Variants in AMHR2 observed in about 807,000 individuals in gnomAD.
AMHR2 encodes the protein anti-Mullerian hormone receptor type 2, also known as anti-Muellerian hormone type-2 receptor.
In AMHR2, 36 loss-of-function variants were observed where a neutral mutation model predicts 61.4. That is an observed-to-expected ratio of 0.59 (90% confidence interval 0.45 to 0.77). The LOEUF (loss-of-function observed/expected upper bound fraction) is 0.77. Among genes scored for constraint, AMHR2 ranks in the 30% least tolerant of loss-of-function variants. The probability of loss-of-function intolerance (pLI) is 0.00; values close to 1 mark genes in which losing one functional copy is unlikely to be tolerated. For missense variants in AMHR2, 638 were observed against 714.6 expected, an observed-to-expected ratio of 0.89 and a Z score of 1.22; for synonymous variants, 258 against 279.4, an observed-to-expected ratio of 0.92 and a Z score of 0.76.
chr12:53,424,944 A>T, intron 3 of AMHR2, 44 bp downstream of exon 3: 1 of 1,590,156 alleles, frequency 6.3e-7, no homozygotes, highest in African/African-American at 1.3e-5. Context: ...GCTGGGGCCC[A>T]GGTTAGGATG....
At chr12:53,428,312 T>C (rs1297973659) in intron 6 of AMHR2, among the ~76,000 whole-genome samples, 2 of 152,200 alleles carry the variant, frequency 1.3e-5, no homozygotes, top group Non-Finnish European at 2.9e-5. Flanking sequence ...TTCCCTCCAA[T>C]TCCCACTTGC....
chr12:53,430,326 G>A lies in AMHR2; in HGVS notation c.1425+44G>A, dbSNP rs770055711. On this transcript the variant is annotated intron_variant, in intron 10 of 10. Coordinates refer to ENST00000257863, the MANE Select transcript of AMHR2 (RefSeq NM_020547.3). The stretch of plus-strand genomic sequence containing the variant: ...TGGTCTGGGAACCTGGAGAGTGGGG[G>A]CTGGGCATGGGCTTCAAGGACGTCT... 3.7e-6 allele frequency: 6 copies of A among 1,613,950 alleles called. No homozygotes were observed. The South Asian group carries it at 4.4e-5, about 12-fold the overall frequency.
rs1225546399 is a variant in AMHR2 at position 53,424,406 on chromosome 12, C to T, written c.168C>T (p.Leu56=). The T allele has an allele frequency of 6.2e-7, 1 of 1,613,686 alleles. No homozygotes were observed. The highest frequency in any genetic ancestry group is 1.7e-5 in the Admixed American group (1 of 59,950). Residue 56 remains leucine (L), a synonymous_variant, in exon 2 of 11, where the codon CTC becomes CTT. Coordinates refer to ENST00000257863, the MANE Select transcript of AMHR2 (RefSeq NM_020547.3). ...AGCTCCCCAGAGCTATCCGCTGCCT[C>T]TACAGCCGCTGCTGCTTTGGGATCT... ...GTELPRAIRC[L]YSRCCFGIWN...
chr12:53,430,892 T>C lies in AMHR2; in HGVS notation c.1426-285T>C. 30 of 515,298 alleles carry C rather than the reference T, an allele frequency of 5.8e-5. No homozygotes were observed. The South Asian group carries it at 6.6e-4, about 11-fold the overall frequency. The allele number at this position is 515,298 out of a possible 1,614,324, so 31.9% of individuals were successfully genotyped here. A position where few individuals can be genotyped will look rare whatever the true frequency, so the allele number is the denominator to read the frequency against. ...CATTACTTGCAGAAGACTCTGGCTC[T>C]CTGAGAGGAAAGAGAGTAATTTCCC... On this transcript the variant is annotated intron_variant, in intron 10 of 10. Transcript: ENST00000257863.
At chr12:53,430,944 A>T in intron 10 of AMHR2, 1 of 597,812 alleles carries the variant, frequency 1.7e-6, no homozygotes, top group Non-Finnish European at 3.0e-6. Context: ...GTCAACCTAC[A>T]TTAGCTCCTC....
intron 7 of AMHR2, 48 bp from the exon 8 acceptor site, chr12:53,429,401 AAAAG>A (rs200048764): frequency 0.022 from 34,859 of 1,587,750 alleles, 203 homozygotes; most frequent in Non-Finnish European, 0.026. Context: ...CAAAAAAAAA[AAAAG>A]AGGGAGGAAG....
At chr12:53,430,821 T>C in intron 10 of AMHR2, 1 of 411,572 alleles carries the variant, frequency 2.4e-6, no homozygotes, top group Non-Finnish European at 4.5e-6. Context: ...GTACCTGATC[T>C]GAAATTTCCA....
At chr12:53,425,291 A>G (rs750055174) in intron 4 of AMHR2, 49 bp downstream of exon 4, 1 of 1,610,308 alleles carries the variant, frequency 6.2e-7, no homozygotes, top group Non-Finnish European at 8.5e-7. Context: ...CATTGCCCCA[A>G]AAGCTCTGAC....
In AMHR2 at chr12:53,424,868, C is replaced by T. The variant is rs1164859022; in HGVS notation, c.392C>T (p.Thr131Ile). 1.9e-6 allele frequency: 3 copies of T among 1,613,236 alleles called. No homozygotes were observed. Among genetic ancestry groups the T allele is most frequent in the Non-Finnish European group, 2.5e-6 (3 of 1,179,984 alleles). Residue 131 changes from threonine (T) to isoleucine (I), a missense_variant, in exon 3 of 11, where the codon ACT (threonine) becomes ATT (isoleucine). Transcript: ENST00000257863. ...CTGCCTCCTCCAGGGAGCCCTGGGA[C>T]TCCTGGCTCCCAGGGTCCCCAGGCT... Reference protein sequence around the residue: ...SHLPPPGSPGTPGSQGPQAAP... With the variant: ...SHLPPPGSPGIPGSQGPQAAP...
At position 53,429,619 on chromosome 12, in the gene AMHR2, C is replaced by T; in HGVS notation, c.1134C>T (p.Ile378=). Residue 378 remains isoleucine, a synonymous_variant, in exon 8 of 11, where the codon ATC becomes ATT. Transcript: ENST00000257863. ...CTCAACCACAAGGCCCAGCTGCCATCATGGAAGTGAGTTCTCTGGATAACT... is the reference window on the plus strand; with the variant it reads ...CTCAACCACAAGGCCCAGCTGCCATTATGGAAGTGAGTTCTCTGGATAACT... The part of the protein sequence containing the change: ...TPTQPQGPAA[I]MEAGTQRYMA... 1 of 1,614,010 alleles carries T rather than the reference C, an allele frequency of 6.2e-7. No individual in the cohort carries two copies. Among genetic ancestry groups the T allele is most frequent in the Non-Finnish European group, 8.5e-7 (1 of 1,179,964 alleles).
At chr12:53,424,130 G>T (rs973971659) in intron 1 of AMHR2, 147 bp downstream of exon 1, 4 of 1,316,178 alleles carry the variant, frequency 3.0e-6, no homozygotes, top group African/African-American at 2.9e-5. Context: ...CCATGGCAGG[G>T]CTCAGGTTCC....
chr12:53,428,888 T>C lies in AMHR2; in HGVS notation c.853-8T>C. On this transcript the variant is annotated splice_polypyrimidine_tract_variant and splice_region_variant and intron_variant, in intron 6 of 10. Transcript: ENST00000257863. Reference sequence around the variant, plus strand: ...GTGTACCATCCTTTTCTCTCTGCGTTTCCCCAGGGCTCCCTGTGCCACTAC... The same window carrying C: ...GTGTACCATCCTTTTCTCTCTGCGTCTCCCCAGGGCTCCCTGTGCCACTAC... The C allele has an allele frequency of 6.5e-7, 1 of 1,548,932 alleles. No individual in the cohort carries two copies. Among genetic ancestry groups the C allele is most frequent in the Non-Finnish European group, 8.7e-7 (1 of 1,144,760 alleles).
rs115761076 is a variant in AMHR2, at chr12:53,424,646, C to A, written c.233-63C>A. On this transcript the variant is annotated intron_variant, in intron 2 of 10. Transcript: ENST00000257863. ...AAGGGATTTACCCTCTGTTTCCACA[C>A]CCCATTGTGCTTTCTTCCTTGCCCC... The A allele has an allele frequency of 1.9e-5, 29 of 1,557,218 alleles. No homozygotes were observed. The African/African-American group carries it at 2.7e-4, about 15-fold the overall frequency.
At chr12:53,424,582 A>G in intron 2 of AMHR2, 112 bp downstream of exon 2, 1 of 1,548,978 alleles carries the variant, frequency 6.5e-7, no homozygotes, top group East Asian at 2.3e-5. Context: ...GGTGGGAAAG[A>G]AAAGCCCATG....
intron 6 of AMHR2, 130 bp from the exon 7 acceptor site, chr12:53,428,766 C>G (rs1303900264): frequency 2.8e-6 from 2 of 723,526 alleles, no homozygotes; most frequent in Non-Finnish European, 4.9e-6. Context: ...ATTGTCTTGG[C>G]CAGCATCCAT....
In AMHR2 at chr12:53,424,737, T is replaced by C. The variant is rs1565831091; in HGVS notation, c.261T>C (p.Cys87=). The C allele has an allele frequency of 3.7e-6, 6 of 1,613,592 alleles. No homozygotes were observed. The highest frequency in any genetic ancestry group is 5.1e-6 in the Non-Finnish European group (6 of 1,179,638). ...QGCRDSDEPG[C]ESLHCDPSPR... ...GCCGAGACAGTGATGAGCCAGGCTGTGAGTCCCTCCACTGTGACCCAAGTC... is the reference window on the plus strand; with the variant it reads ...GCCGAGACAGTGATGAGCCAGGCTGCGAGTCCCTCCACTGTGACCCAAGTC... The change falls in exon 3 of 11, where the codon TGT becomes TGC. Residue 87 remains cysteine (C), a synonymous_variant. Coordinates refer to ENST00000257863, the MANE Select transcript of AMHR2 (RefSeq NM_020547.3).
chr12:53,424,176 A>C lies in AMHR2; in HGVS notation c.50-112A>C, dbSNP rs1161382340. ...TGACCCTGCTTCCTCCTGTGGCTTT[A>C]CCATACTGACGCTGGGATGTGGAAC... is the stretch of plus-strand genomic sequence containing the variant. On this transcript the variant is annotated intron_variant, in intron 1 of 10. Transcript: ENST00000257863. The C allele has an allele frequency of 2.7e-6, 4 of 1,466,594 alleles. No individual in the cohort carries two copies. In the African/African-American group the frequency reaches 5.6e-5, roughly 20 times the overall value. 90.8% of individuals were successfully genotyped at this position (1,466,594 alleles called of 1,614,324 possible). A position where few individuals can be genotyped will look rare whatever the true frequency, so the allele number is the denominator to read the frequency against.
In AMHR2 at chr12:53,431,377, CCCCTGTAGG is replaced by C; in HGVS notation, c.1629_1637del (p.Cys544_Pro546del). ...CTTCAATTCCTGCCCCTACCATCCT[CCCCTGTAGG>C]CCTCAGCGGAGTGCCTGCCACTTCA... On this transcript the variant is annotated inframe_deletion, in exon 11 of 11. Coordinates refer to ENST00000257863, the MANE Select transcript of AMHR2 (RefSeq NM_020547.3). 1.2e-6 allele frequency: 2 copies of C among 1,614,242 alleles called. No individual in the cohort carries two copies. The highest frequency in any genetic ancestry group is 4.5e-5 in the East Asian group (2 of 44,884).
At chr12:53,426,249 G>C (rs1358559831) in intron 6 of AMHR2, among the ~76,000 whole-genome samples, 1 of 152,182 alleles carries the variant, frequency 6.6e-6, no homozygotes, top group Admixed American at 6.5e-5. Context: ...AAGATCGCTT[G>C]AGCTTAGGAG....
Sources: allele counts gnomAD v4.1 joint callset (sites outside exome capture counted in the v4.1 genomes callset), GRCh38; gene constraint gnomAD v4.1.1; transcripts MANE v1.5; gene names NCBI Gene and HGNC (gene_info 2026-07-23, HGNC 2026-07-21).